CNTN5: variants seen among roughly 807,000 people sequenced by gnomAD.
The protein encoded by CNTN5 is contactin-5.
Under a neutral mutation model 129.1 loss-of-function variants are expected in CNTN5, and 77 were observed. That is an observed-to-expected ratio of 0.60 (90% CI 0.50 to 0.72). The LOEUF (loss-of-function observed/expected upper bound fraction) is 0.72, where lower values mean the gene tolerates loss of function less well. CNTN5 is among the 30% of genes least tolerant of loss of function. The pLI is 0.00. For synonymous variants in CNTN5, 509 were observed against 465.6 expected, an observed-to-expected ratio of 1.09 and a Z score of -1.20; for missense variants, 1,478 against 1,328.8, an observed-to-expected ratio of 1.11 and a Z score of -1.75.
At chr11:99,391,827 A>T (rs1324642848) in intron 2 of CNTN5, among the ~76,000 whole-genome samples, 1 of 151,984 alleles carries the variant, frequency 6.6e-6, no homozygotes, top group Admixed American at 6.6e-5. Flanking sequence ...TACCCTTGTC[A>T]TATTAGGTAT....
intron 3 of CNTN5, among the ~76,000 whole-genome samples, chr11:99,606,123 A>C: frequency 6.0e-5 from 1 of 16,756 alleles, no homozygotes; most frequent in East Asian, 1.6e-3. Flanking sequence ...AAGGAAATAA[A>C]GGGTATTCAA....
Position 100,356,266 on chromosome 11 carries a change from G to A in CNTN5, c.*46G>A. 1.6e-6 allele frequency: 2 copies of A among 1,270,434 alleles called. No individual in the cohort carries two copies. The highest frequency in any genetic ancestry group is 1.5e-5 in the African/African-American group (1 of 67,560). The allele number at this position is 1,270,434 out of a possible 1,614,324, so 78.7% of individuals were successfully genotyped here. A position where few individuals can be genotyped will look rare whatever the true frequency, so the allele number is the denominator to read the frequency against. On this transcript the variant is annotated 3_prime_UTR_variant, in exon 25 of 25. Transcript: ENST00000524871. ...TTTTGTTTGCTTTAGCTTGGTAACA[G>A]CGGTGAATAGAGTGTAGTGTAAGTG...
At chr11:100,132,240 A>G (rs1393221460) in intron 13 of CNTN5, among the ~76,000 whole-genome samples, 1 of 152,106 alleles carries the variant, frequency 6.6e-6, no homozygotes, top group Admixed American at 6.6e-5. Context: ...TTTGACCATG[A>G]GTTATTTACC....
intron 6 of CNTN5, among the ~76,000 whole-genome samples, chr11:99,904,993 G>T (rs1454679271): frequency 2.0e-5 from 3 of 150,566 alleles, no homozygotes; most frequent in Non-Finnish European, 2.9e-5. Context: ...GGGTTTGTCT[G>T]TTCTTTTCTT....
intron 2 of CNTN5, among the ~76,000 whole-genome samples, chr11:99,516,362 A>T (rs192075667): frequency 3.9e-4 from 59 of 152,282 alleles, no homozygotes; most frequent in African/African-American, 1.3e-3. Context: ...ATTAAAATTC[A>T]TATTTAGCTC....
At chr11:100,012,490 T>C (rs1940590618) in intron 9 of CNTN5, among the ~76,000 whole-genome samples, 2 of 152,156 alleles carry the variant, frequency 1.3e-5, no homozygotes. Flanking sequence ...GTTATGTGTT[T>C]TCAGGGAAAC....
At chr11:100,051,097 C>G (rs1024140209) in intron 9 of CNTN5, among the ~76,000 whole-genome samples, 1 of 151,908 alleles carries the variant, frequency 6.6e-6, no homozygotes, top group Non-Finnish European at 1.5e-5. Flanking sequence ...ATAAGAAGAA[C>G]AAGAAGACAG....
intron 18 of CNTN5, among the ~76,000 whole-genome samples, chr11:100,293,535 A>C (rs1259106028): frequency 6.6e-6 from 1 of 151,678 alleles, no homozygotes; most frequent in East Asian, 1.9e-4. Flanking sequence ...CTCTTTTTCG[A>C]ATCTAAACAG....
chr11:99,720,229 G>A (rs1943126746), intron 3 of CNTN5, among the ~76,000 whole-genome samples: 1 of 152,050 alleles, frequency 6.6e-6, no homozygotes, highest in Non-Finnish European at 1.5e-5. Context: ...CAACAACAAA[G>A]AAAGACTTCA....
At chr11:99,141,766 A>G (rs182116047) in intron 1 of CNTN5, among the ~76,000 whole-genome samples, 1 of 152,184 alleles carries the variant, frequency 6.6e-6, no homozygotes, top group Non-Finnish European at 1.5e-5. Context: ...ATAGTCATCC[A>G]GGAGCAGTTT....
intron 1 of CNTN5, among the ~76,000 whole-genome samples, chr11:99,298,890 C>G (rs764386286): frequency 3.9e-5 from 6 of 152,250 alleles, no homozygotes; most frequent in Non-Finnish European, 8.8e-5. Context: ...CATTCCAACC[C>G]TGCAATAAAA....
chr11:99,697,665 G>C (rs913007947), intron 3 of CNTN5, among the ~76,000 whole-genome samples: 4 of 151,504 alleles, frequency 2.6e-5, no homozygotes, highest in African/African-American at 9.7e-5. Flanking sequence ...TCTGAATAAA[G>C]TATGAACTTT....
chr11:99,150,617 A>G (rs1170809146), intron 1 of CNTN5, among the ~76,000 whole-genome samples: 2 of 152,058 alleles, frequency 1.3e-5, no homozygotes, highest in Non-Finnish European at 2.9e-5. Context: ...TAATAAGGTG[A>G]AATTTCAGAA....
chr11:99,298,775 A>G (rs940480305), intron 1 of CNTN5, among the ~76,000 whole-genome samples: 1 of 152,092 alleles, frequency 6.6e-6, no homozygotes, highest in African/African-American at 2.4e-5. Flanking sequence ...GCATAATCAT[A>G]AACCTCAAAA....
chr11:99,843,927 T>C (rs956503043), intron 4 of CNTN5, among the ~76,000 whole-genome samples: 2 of 152,210 alleles, frequency 1.3e-5, no homozygotes, highest in Admixed American at 6.5e-5. Flanking sequence ...CACACGATGC[T>C]CTGAATGCTT....
intron 13 of CNTN5, among the ~76,000 whole-genome samples, chr11:100,189,777 T>C (rs1181011976): frequency 6.6e-6 from 1 of 152,104 alleles, no homozygotes; most frequent in Non-Finnish European, 1.5e-5. Context: ...GGGCATTGTG[T>C]TTTTCAAATG....
intron 1 of CNTN5, among the ~76,000 whole-genome samples, chr11:99,165,257 G>A (rs1565369966): frequency 6.6e-6 from 1 of 152,152 alleles, no homozygotes; most frequent in Non-Finnish European, 1.5e-5. Flanking sequence ...TTTGTTTATA[G>A]AGGCTATCAT....
chr11:99,218,860 G>C (rs1291570646), intron 1 of CNTN5, among the ~76,000 whole-genome samples: 5 of 152,068 alleles, frequency 3.3e-5, no homozygotes, highest in Non-Finnish European at 7.4e-5. Flanking sequence ...TGTAGGAGAT[G>C]TGCATTTCTT....
At chr11:99,168,233 C>A (rs1445943733) in intron 1 of CNTN5, among the ~76,000 whole-genome samples, 1 of 152,056 alleles carries the variant, frequency 6.6e-6, no homozygotes, top group Non-Finnish European at 1.5e-5. Flanking sequence ...AGTGAGTCAC[C>A]ACACCTGACC....
Sources: allele counts gnomAD v4.1 joint callset (sites outside exome capture counted in the v4.1 genomes callset), GRCh38; gene constraint gnomAD v4.1.1; transcripts MANE v1.5; gene names NCBI Gene and HGNC (gene_info 2026-07-23, HGNC 2026-07-21).